The following PTPN4 variants were observed in gnomAD, a reference collection of about 807,000 sequenced individuals.
PTPN4 encodes the protein protein tyrosine phosphatase non-receptor type 4, also known as tyrosine-protein phosphatase non-receptor type 4.
A neutral mutation model predicts 135.5 loss-of-function variants in PTPN4; 49 were observed. The ratio of observed to expected loss-of-function variants is 0.36; its 90% CI spans 0.29 to 0.46. The LOEUF (loss-of-function observed/expected upper bound fraction) is 0.46, where lower values mean the gene tolerates loss of function less well. Ranked by LOEUF, PTPN4 falls within the 20% of genes least tolerant of loss-of-function variation. The pLI, the probability that PTPN4 is intolerant of heterozygous loss-of-function variation, is 1.00. For synonymous variants in PTPN4, 333 were observed against 369.9 expected, an observed-to-expected ratio of 0.90 and a Z score of 1.14; for missense variants, 860 against 1,101.0, an observed-to-expected ratio of 0.78 and a Z score of 3.10.
At chr2:119,955,433 T>C (rs1679265838) in intron 20 of PTPN4, 110 bp downstream of exon 20, 3 of 968,378 alleles carry the variant, frequency 3.1e-6, no homozygotes, top group Non-Finnish European at 4.1e-6. Flanking sequence ...TAAAATGATA[T>C]TCTGAGAAAT....
intron 13 of PTPN4, among the ~76,000 whole-genome samples, chr2:119,931,505 C>G (rs549059741): frequency 7.6e-6 from 1 of 131,794 alleles, no homozygotes; most frequent in Non-Finnish European, 1.5e-5. Context: ...TGCAGTGGTG[C>G]TATCACAGCT....
chr2:119,790,752 C>G (rs1477334119), intron 1 of PTPN4, among the ~76,000 whole-genome samples: 2 of 151,994 alleles, frequency 1.3e-5, no homozygotes, highest in Non-Finnish European at 2.9e-5. Context: ...TTTTGTTTCT[C>G]TATTCATCTA....
chr2:119,877,143 C>G (rs1339310012), intron 3 of PTPN4, among the ~76,000 whole-genome samples, 180 bp from the exon 4 acceptor site: 1 of 152,036 alleles, frequency 6.6e-6, no homozygotes, highest in African/African-American at 2.4e-5. Flanking sequence ...TAATTTCTAG[C>G]ATAATTTTAT....
At chr2:119,811,377 T>C (rs191710317) in intron 2 of PTPN4, among the ~76,000 whole-genome samples, 6 of 152,346 alleles carry the variant, frequency 3.9e-5, no homozygotes, top group African/African-American at 1.4e-4. Context: ...TACATCATTA[T>C]CATTAAAAAT....
intron 3 of PTPN4, among the ~76,000 whole-genome samples, chr2:119,866,918 C>G (rs766018977): frequency 4.6e-5 from 7 of 151,970 alleles, no homozygotes; most frequent in Non-Finnish European, 8.8e-5. Flanking sequence ...TCTTTGGTAG[C>G]CTGCTAAATG....
At chr2:119,934,663 C>G in intron 14 of PTPN4, 137 bp from the exon 15 acceptor site, 1 of 816,100 alleles carries the variant, frequency 1.2e-6, no homozygotes, top group Non-Finnish European at 1.9e-6. Context: ...ATCACACTGT[C>G]TTTTTCAGAG....
At chr2:119,910,809 C>A (rs1406851633) in intron 10 of PTPN4, among the ~76,000 whole-genome samples, 2 of 152,138 alleles carry the variant, frequency 1.3e-5, no homozygotes, top group Admixed American at 6.6e-5. Flanking sequence ...GAGGTCTCCC[C>A]AGCCAGGCTG....
chr2:119,971,684 T>C (rs1442076741), intron 26 of PTPN4, among the ~76,000 whole-genome samples: 1 of 152,246 alleles, frequency 6.6e-6, no homozygotes, highest in Non-Finnish European at 1.5e-5. Context: ...AAGTCTAGTT[T>C]ATCTGTTTTT....
At chr2:119,897,539 A>G (rs1678342843) in intron 9 of PTPN4, among the ~76,000 whole-genome samples, 1 of 152,192 alleles carries the variant, frequency 6.6e-6, no homozygotes, top group Non-Finnish European at 1.5e-5. Context: ...ATATCCTATA[A>G]TTATTTACTT....
intron 6 of PTPN4, 119 bp from the exon 7 acceptor site, chr2:119,881,978 T>C: frequency 8.8e-7 from 1 of 1,132,642 alleles, no homozygotes; most frequent in Non-Finnish European, 1.3e-6. Context: ...ATAAGTTTAT[T>C]TCTTAACAGT....
intron 25 of PTPN4, among the ~76,000 whole-genome samples, chr2:119,966,542 G>A (rs934623021): frequency 3.9e-5 from 6 of 152,142 alleles, no homozygotes; most frequent in African/African-American, 1.4e-4. Context: ...ACAGGTGTGA[G>A]CCACCGCGCC....
At chr2:119,898,520 C>A (rs1678357161) in intron 9 of PTPN4, among the ~76,000 whole-genome samples, 1 of 152,118 alleles carries the variant, frequency 6.6e-6, no homozygotes, top group Non-Finnish European at 1.5e-5. Flanking sequence ...CAAAAGAGTA[C>A]AAGGTACTTT....
At chr2:119,916,941 G>T (rs1049508124) in intron 11 of PTPN4, among the ~76,000 whole-genome samples, 6 of 152,058 alleles carry the variant, frequency 3.9e-5, no homozygotes, top group African/African-American at 1.4e-4. Flanking sequence ...CCAGGTTGGG[G>T]ATATTATGAC....
intron 3 of PTPN4, among the ~76,000 whole-genome samples, chr2:119,871,721 AAAAG>A (rs1357451057): frequency 6.6e-6 from 1 of 152,206 alleles, no homozygotes; most frequent in African/African-American, 2.4e-5. Context: ...GAGAGAAAAA[AAAAG>A]CTTGAATGTT....
At chr2:119,776,893 A>G (rs931169940) in intron 1 of PTPN4, among the ~76,000 whole-genome samples, 2 of 152,220 alleles carry the variant, frequency 1.3e-5, no homozygotes, top group African/African-American at 4.8e-5. Context: ...CAAGAGTTAC[A>G]TGGAGAAATT....
intron 5 of PTPN4, among the ~76,000 whole-genome samples, chr2:119,878,020 T>C (rs1286951814): frequency 6.6e-6 from 1 of 152,166 alleles, no homozygotes; most frequent in Admixed American, 6.5e-5. Context: ...GTGTTTTTAA[T>C]CTTTGGTTCC....
chr2:119,838,859 A>G (rs1179348771), intron 2 of PTPN4, among the ~76,000 whole-genome samples: 1 of 152,220 alleles, frequency 6.6e-6, no homozygotes, highest in Non-Finnish European at 1.5e-5. Context: ...CTAACCAAAT[A>G]TGTATTGATT....
chr2:119,903,375 G>A (rs1678436634), intron 10 of PTPN4, among the ~76,000 whole-genome samples: 1 of 152,048 alleles, frequency 6.6e-6, no homozygotes, highest in African/African-American at 2.4e-5. Flanking sequence ...CCTGAACAGA[G>A]GACCATCCCA....
chr2:119,920,328 C>G, intron 12 of PTPN4, 87 bp downstream of exon 12: 1 of 1,393,174 alleles, frequency 7.2e-7, no homozygotes, highest in Non-Finnish European at 9.8e-7. Flanking sequence ...AACCATACAA[C>G]CTTTGTTACA....
Sources: gnomAD v4.1 joint callset for allele counts (sites outside exome capture counted in the v4.1 genomes callset) on GRCh38, gnomAD v4.1.1 for gene constraint, MANE v1.5 for transcripts, NCBI Gene and HGNC (gene_info 2026-07-23, HGNC 2026-07-21) for gene names.